The following HEXB variants were observed in gnomAD, a reference collection of about 807,000 sequenced individuals.
HEXB encodes beta-hexosaminidase subunit beta.
Under a neutral mutation model 71.2 loss-of-function variants are expected in HEXB, and 51 were observed. That is an observed-to-expected ratio of 0.72 (90% CI 0.57 to 0.90). HEXB has a LOEUF of 0.90. Ranked by LOEUF, HEXB falls within the 40% of genes least tolerant of loss-of-function variation. HEXB has a pLI of 0.00. For missense variants in HEXB, 617 were observed against 677.0 expected, an observed-to-expected ratio of 0.91 and a Z score of 0.98; for synonymous variants, 266 against 249.3, an observed-to-expected ratio of 1.07 and a Z score of -0.63.
chr5:74,685,177 G>C (rs1748827070), upstream of HEXB: 2 of 1,372,754 alleles, frequency 1.5e-6, no homozygotes, highest in South Asian at 3.1e-5. Flanking sequence ...ACCCGCGGCC[G>C]CGCTTCCTCT....
In HEXB at chr5:74,693,661, A is replaced by G; in HGVS notation, c.468A>G (p.Pro156=). Residue 156 remains proline, a synonymous_variant, in exon 3 of 14, where the codon CCA becomes CCG. Coordinates refer to ENST00000261416, the MANE Select transcript of HEXB (RefSeq NM_000521.4). The part of the protein sequence containing the change: ...DESYTLLVKE[P]VAVLKANRVW... ...CAGATACTTTACTTGTGAAAGAACC[A>G]GTGGCTGTCCTTAAGGCCAACAGAG... The G allele has an allele frequency of 6.2e-7, 1 of 1,612,696 alleles. No homozygotes were observed. The highest frequency in any genetic ancestry group is 8.5e-7 in the Non-Finnish European group (1 of 1,178,580).
In HEXB at chr5:74,689,052, C is replaced by CA. The variant is rs71600433; in HGVS notation, c.300-276_300-275insA. The stretch of plus-strand genomic sequence containing the variant: ...TGATGGTTTCATTATTGGTTCTTAA[C>CA]GGGGCTTCATATGTCACTTCAGAGT... On this transcript the variant is annotated intron_variant, in intron 1 of 13. Coordinates refer to ENST00000261416, the MANE Select transcript of HEXB (RefSeq NM_000521.4). Among the ~76,000 whole-genome samples, 34,932 of 151,978 alleles carry CA rather than the reference C, an allele frequency of 0.23. 4,544 individuals carry two copies. The highest frequency in any genetic ancestry group is 0.34 in the African/African-American group (14,221 of 41,420).
upstream of HEXB, among the ~76,000 whole-genome samples, chr5:74,682,895 G>A (rs1748765383): frequency 6.6e-6 from 1 of 152,126 alleles, no homozygotes; most frequent in East Asian, 1.9e-4. Flanking sequence ...CACAAGGAAA[G>A]CATAACAGAT....
At chr5:74,667,053 C>G (rs1748444532) in intron 1 of HEXB, among the ~76,000 whole-genome samples, 1 of 152,014 alleles carries the variant, frequency 6.6e-6, no homozygotes, top group South Asian at 2.1e-4. Context: ...TACCAGGTTG[C>G]GTATATTACA....
intron 1 of HEXB, among the ~76,000 whole-genome samples, chr5:74,648,352 A>G (rs6453069): frequency 0.98 from 149,238 of 152,336 alleles, 73,110 homozygotes; most frequent in East Asian, 1. Flanking sequence ...TTTGTAGTTG[A>G]CTTTTTAAAT....
At chr5:74,676,044 A>C (rs1748625062) in intron 1 of HEXB, among the ~76,000 whole-genome samples, 1 of 152,246 alleles carries the variant, frequency 6.6e-6, no homozygotes. Flanking sequence ...TTCTAAGTGG[A>C]AAGCCCCAAT....
Position 74,705,338 on chromosome 5 carries a change from T to A in HEXB, c.771+18T>A. The stretch of plus-strand genomic sequence containing the variant: ...GCAATAAAGTGAGTAAATTGTATTG[T>A]ACTCTGTCTACAAAAACATTGGGTA... On this transcript the variant is annotated intron_variant, in intron 6 of 13. Coordinates refer to ENST00000261416, the MANE Select transcript of HEXB (RefSeq NM_000521.4). The A allele has an allele frequency of 7.8e-7, 1 of 1,277,294 alleles. No individual in the cohort carries two copies. The highest frequency in any genetic ancestry group is 1.1e-6 in the Non-Finnish European group (1 of 872,564). The allele number at this position is 1,277,294 out of a possible 1,614,324, so 79.1% of individuals were successfully genotyped here. A position where few individuals can be genotyped will look rare whatever the true frequency, so the allele number is the denominator to read the frequency against.
intron 1 of HEXB, among the ~76,000 whole-genome samples, chr5:74,664,348 T>C (rs1748391143): frequency 6.9e-6 from 1 of 145,976 alleles, no homozygotes; most frequent in Non-Finnish European, 1.5e-5. Context: ...GGAGGATCAC[T>C]CAAGCCCAGG....
At chr5:74,701,823 G>A (rs1480839441) in intron 5 of HEXB, among the ~76,000 whole-genome samples, 1 of 151,874 alleles carries the variant, frequency 6.6e-6, no homozygotes, top group African/African-American at 2.4e-5. Context: ...CACATATGAT[G>A]CATCAATACC....
chr5:74,653,668 A>G (rs1019972065), intron 1 of HEXB, among the ~76,000 whole-genome samples: 3 of 152,210 alleles, frequency 2.0e-5, no homozygotes, highest in Non-Finnish European at 4.4e-5. Flanking sequence ...TTTGGCCAAA[A>G]GTGATACTGT....
At chr5:74,674,593 G>C (rs1010637709) in intron 1 of HEXB, among the ~76,000 whole-genome samples, 5 of 130,322 alleles carry the variant, frequency 3.8e-5, no homozygotes, top group Non-Finnish European at 7.9e-5. Context: ...GACAGAGCAA[G>C]ACTCTGTCTC....
At chr5:74,645,445 G>C (rs1193059999) in intron 1 of HEXB, among the ~76,000 whole-genome samples, 2 of 152,188 alleles carry the variant, frequency 1.3e-5, no homozygotes, top group Non-Finnish European at 2.9e-5. Context: ...TTTGTATTAT[G>C]ATTTTTAATG....
chr5:74,686,620 C>A (rs547145394), intron 1 of HEXB, among the ~76,000 whole-genome samples: 1 of 152,314 alleles, frequency 6.6e-6, no homozygotes, highest in Admixed American at 6.5e-5. Context: ...ATGGTTCATT[C>A]TCTACAATCA....
At chr5:74,713,986 G>A (rs1461708011) in intron 7 of HEXB, among the ~76,000 whole-genome samples, 5 of 152,102 alleles carry the variant, frequency 3.3e-5, no homozygotes, top group South Asian at 2.1e-4. Context: ...GACTACAGGC[G>A]CCCGCCACCA....
intron 9 of HEXB, among the ~76,000 whole-genome samples, chr5:74,718,062 T>G (rs991683864): frequency 6.6e-6 from 1 of 152,196 alleles, no homozygotes; most frequent in African/African-American, 2.4e-5. Context: ...AACTCATTCA[T>G]TCAGCAAATG....
chr5:74,656,577 C>T (rs893781881), intron 1 of HEXB, among the ~76,000 whole-genome samples: 1 of 151,948 alleles, frequency 6.6e-6, no homozygotes, highest in African/African-American at 2.4e-5. Flanking sequence ...CCACATTGCA[C>T]ACATTGCATG....
At chr5:74,664,269 A>AT (rs397959050) in intron 1 of HEXB, among the ~76,000 whole-genome samples, 2 of 150,872 alleles carry the variant, frequency 1.3e-5, no homozygotes. Context: ...AAAAAAAAAA[A>AT]TTTAAAAACT....
At chr5:74,661,626 G>A (rs970629426) in intron 1 of HEXB, among the ~76,000 whole-genome samples, 1 of 148,010 alleles carries the variant, frequency 6.8e-6, no homozygotes, top group African/African-American at 2.5e-5. Flanking sequence ...CAAACTCCTG[G>A]CCTCAAGGGA....
upstream of HEXB, among the ~76,000 whole-genome samples, chr5:74,683,325 A>G (rs551822385): frequency 6.6e-6 from 1 of 151,556 alleles, no homozygotes; most frequent in South Asian, 2.1e-4. Flanking sequence ...TCTTTCTGAG[A>G]CAGAGTCTTA....
Sources: allele counts gnomAD v4.1 joint callset (sites outside exome capture counted in the v4.1 genomes callset), GRCh38; gene constraint gnomAD v4.1.1; transcripts MANE v1.5; gene names NCBI Gene and HGNC (gene_info 2026-07-23, HGNC 2026-07-21).